Variants in GPC4 observed in about 807,000 individuals in gnomAD.
GPC4 encodes glypican 4.
Under a neutral mutation model 35.0 loss-of-function variants are expected in GPC4, and 10 were observed. The ratio of observed to expected loss-of-function variants is 0.29; its 90% CI spans 0.18 to 0.48. The LOEUF is 0.48. GPC4 is among the 20% of genes least tolerant of loss of function. The pLI, the probability that GPC4 is intolerant of heterozygous loss-of-function variation, is 0.99. For synonymous variants in GPC4, 167 were observed against 170.2 expected (o/e 0.98, Z 0.15); for missense variants, 322 against 451.3 (o/e 0.71, Z 2.60).
intron 3 of GPC4, among the ~76,000 whole-genome samples, chrX:133,321,065 A>G (rs2068362791): frequency 8.9e-6 from 1 of 111,811 alleles, no homozygotes; most frequent in Non-Finnish European, 1.9e-5. Flanking sequence ...AGGAGAAAGA[A>G]AAAGTGATTG....
chrX:133,367,256 A>C, intron 1 of GPC4, among the ~76,000 whole-genome samples: 1 of 111,729 alleles, frequency 9.0e-6, no homozygotes, highest in African/African-American at 3.3e-5. Flanking sequence ...AATCAGATTA[A>C]ATTCTACTCT....
At chrX:133,364,899 C>T (rs1377064519) in intron 1 of GPC4, among the ~76,000 whole-genome samples, 1 of 112,101 alleles carries the variant, frequency 8.9e-6, no homozygotes, top group Non-Finnish European at 1.9e-5. Context: ...TCAAGATGTT[C>T]TACTAATACA....
chrX:133,315,007 A>G (rs1301386115), intron 3 of GPC4, among the ~76,000 whole-genome samples: 1 of 111,000 alleles, frequency 9.0e-6, no homozygotes, highest in African/African-American at 3.3e-5. Context: ...GGAGTCTTTA[A>G]GAGCCAAAAG....
chrX:133,385,465 T>C (rs943278957), intron 1 of GPC4, among the ~76,000 whole-genome samples: 10 of 112,400 alleles, frequency 8.9e-5, no homozygotes, highest in African/African-American at 2.9e-4. Context: ...ATAGAAGTAA[T>C]TGTCATAATA....
At chrX:133,329,181 A>C (rs1442139922) in intron 2 of GPC4, among the ~76,000 whole-genome samples, 1 of 111,968 alleles carries the variant, frequency 8.9e-6, no homozygotes, top group Non-Finnish European at 1.9e-5. Context: ...AAAAGGCCTA[A>C]TCTCTCTGAG....
At chrX:133,327,206 ATTAT>A (rs1386130012) in intron 2 of GPC4, among the ~76,000 whole-genome samples, 1 of 111,989 alleles carries the variant, frequency 8.9e-6, no homozygotes, top group Non-Finnish European at 1.9e-5. Flanking sequence ...GACATTCAGA[ATTAT>A]TTGAGTTGTG....
At chrX:133,367,328 C>T (rs2068593964) in intron 1 of GPC4, among the ~76,000 whole-genome samples, 1 of 111,873 alleles carries the variant, frequency 8.9e-6, no homozygotes, top group South Asian at 3.7e-4. Flanking sequence ...AGTGCTCTTG[C>T]GATGTATATG....
At chrX:133,350,729 C>T (rs771778231) in intron 1 of GPC4, among the ~76,000 whole-genome samples, 2 of 112,076 alleles carry the variant, frequency 1.8e-5, no homozygotes, top group Admixed American at 9.4e-5. Context: ...AGTTAAGTTA[C>T]GGCTTACTCT....
intron 1 of GPC4, among the ~76,000 whole-genome samples, chrX:133,343,040 G>C (rs2068473800): frequency 9.0e-6 from 1 of 111,362 alleles, no homozygotes; most frequent in South Asian, 3.8e-4. Context: ...TTTAGGCTGA[G>C]AGAGCTGAAC....
chrX:133,379,397 TGC>T (rs2068650338), intron 1 of GPC4, among the ~76,000 whole-genome samples: 1 of 112,107 alleles, frequency 8.9e-6, no homozygotes, highest in Non-Finnish European at 1.9e-5. Flanking sequence ...GATTAGTGGT[TGC>T]CAGGGGCTGG....
At chrX:133,378,351 AG>A (rs1452745244) in intron 1 of GPC4, among the ~76,000 whole-genome samples, 1 of 110,388 alleles carries the variant, frequency 9.1e-6, no homozygotes, top group African/African-American at 3.3e-5. Context: ...GTGGATCACG[AG>A]GTCAGGAGAT....
At chrX:133,344,318 C>T (rs996308592) in intron 1 of GPC4, among the ~76,000 whole-genome samples, 3 of 98,083 alleles carry the variant, frequency 3.1e-5, no homozygotes, top group Non-Finnish European at 4.1e-5. Context: ...CTCTGCCTCC[C>T]GGGTTCAAGC....
intron 1 of GPC4, among the ~76,000 whole-genome samples, chrX:133,354,088 C>A (rs111481063): frequency 2.6e-4 from 29 of 111,993 alleles, no homozygotes; most frequent in Middle Eastern, 4.6e-3. Context: ...CTTCTGCCAG[C>A]AAAGAGTAAG....
intron 1 of GPC4, among the ~76,000 whole-genome samples, chrX:133,407,012 G>T (rs1047853874): frequency 9.2e-6 from 1 of 108,150 alleles, no homozygotes; most frequent in African/African-American, 3.4e-5. Context: ...GGAAGTGGAG[G>T]CTGTAGTAAG....
intron 1 of GPC4, among the ~76,000 whole-genome samples, chrX:133,386,517 T>C (rs1043276316): frequency 9.0e-6 from 1 of 111,274 alleles, no homozygotes; most frequent in Non-Finnish European, 1.9e-5. Flanking sequence ...TTATATACAA[T>C]ATGCAGCTCC....
chrX:133,310,052 CCT>C (rs761343885), intron 4 of GPC4, among the ~76,000 whole-genome samples: 203 of 111,145 alleles, frequency 1.8e-3, no homozygotes, highest in African/African-American at 6.3e-3. Context: ...TTTTTATCCC[CCT>C]GTGTCAGTGT....
At chrX:133,414,760 C>G in intron 1 of GPC4, 46 bp downstream of exon 1, 1 of 1,190,454 alleles carries the variant, frequency 8.4e-7, no homozygotes, top group Non-Finnish European at 1.1e-6. Context: ...GCCTCCCTTC[C>G]CGAAGTGTCG....
intron 1 of GPC4, among the ~76,000 whole-genome samples, chrX:133,400,360 T>C (rs982317558): frequency 2.7e-5 from 3 of 112,438 alleles, no homozygotes; most frequent in African/African-American, 9.7e-5. Flanking sequence ...TCAAGAAAAC[T>C]ATGCTTTGCC....
At position 133,403,535 on chromosome X, in the gene GPC4, G is replaced by C. The variant is rs1300442676; in HGVS notation, c.160+11271C>G. ...TCAACATATGAATTTTAGAAGAATAGAGTAAGAGCACAGCAGATATGAATA... is the reference window on the plus strand; with the variant it reads ...TCAACATATGAATTTTAGAAGAATACAGTAAGAGCACAGCAGATATGAATA... On this transcript the variant is annotated intron_variant, in intron 1 of 8. Transcript: ENST00000370828. Among the ~76,000 whole-genome samples the C allele has an allele frequency of 3.6e-5, 4 of 111,598 alleles. 1 individual carries two copies.
Sources: gnomAD v4.1 joint callset for allele counts (sites outside exome capture counted in the v4.1 genomes callset) on GRCh38, gnomAD v4.1.1 for gene constraint, MANE v1.5 for transcripts, NCBI Gene and HGNC (gene_info 2026-07-23, HGNC 2026-07-21) for gene names.